The following PPP1CB variants were observed in gnomAD, a reference collection of about 807,000 sequenced individuals.
The protein encoded by PPP1CB is serine/threonine-protein phosphatase PP1-beta catalytic subunit.
In PPP1CB, 2 loss-of-function variants were observed where a neutral mutation model predicts 43.7. The ratio of observed to expected loss-of-function variants is 0.05; its 90% CI spans 0.02 to 0.14. The LOEUF (loss-of-function observed/expected upper bound fraction) is 0.14. PPP1CB is among the 10% of genes least tolerant of loss of function. The probability of loss-of-function intolerance (pLI) is 1.00; values close to 1 mark genes in which losing one functional copy is unlikely to be tolerated. For synonymous variants in PPP1CB, 136 were observed against 135.6 expected (o/e 1.00, Z -0.02); for missense variants, 84 against 398.0 (o/e 0.21, Z 6.71).
chr2:28,774,569 G>A (rs547023467), intron 1 of PPP1CB, among the ~76,000 whole-genome samples: 2 of 152,120 alleles, frequency 1.3e-5, no homozygotes, highest in East Asian at 1.9e-4. Context: ...GAGATTACAG[G>A]CACCCGCCAC....
At chr2:28,777,885 C>T (rs957459928) in intron 2 of PPP1CB, among the ~76,000 whole-genome samples, 1 of 152,138 alleles carries the variant, frequency 6.6e-6, no homozygotes, top group Non-Finnish European at 1.5e-5. Context: ...AATTCCTGAC[C>T]TCAGGTGATC....
chr2:28,788,752 T>G lies in PPP1CB; in HGVS notation c.687T>G (p.Asp229Glu). The change falls in exon 6 of 8, where the codon GAT becomes GAG. Residue 229 changes from aspartate to glutamate, a missense_variant. This residue lies in a region of PPP1CB where 11 missense variants were observed against 17.3 expected (regional missense o/e 0.64). Coordinates refer to ENST00000395366, the MANE Select transcript of PPP1CB (RefSeq NM_002709.3). ...GTGTTTCCTTTACTTTTGGAGCTGA[T>G]GTAGTCAGTAAATTTCTGAATCGTC... ...DRGVSFTFGADVVSKFLNRHD... is the reference protein window; with the variant it reads ...DRGVSFTFGAEVVSKFLNRHD... 6.2e-7 allele frequency: 1 copy of G among 1,613,914 alleles called. No individual in the cohort carries two copies. Among genetic ancestry groups the G allele is most frequent in the Non-Finnish European group, 8.5e-7 (1 of 1,179,920 alleles).
At chr2:28,771,031 A>G (rs1469402739) in intron 1 of PPP1CB, among the ~76,000 whole-genome samples, 1 of 108,702 alleles carries the variant, frequency 9.2e-6, no homozygotes, top group African/African-American at 3.2e-5. Flanking sequence ...TTACCTACTT[A>G]TTCCCTGCTC....
In PPP1CB at chr2:28,752,090, TC is replaced by T. The variant is rs1428311602; in HGVS notation, c.-32del. 2.6e-6 allele frequency: 4 copies of T among 1,548,898 alleles called. 1 individual carries two copies. The South Asian group carries it at 4.8e-5, about 18-fold the overall frequency. On this transcript the variant is annotated 5_prime_UTR_variant, in exon 1 of 8. Coordinates refer to ENST00000395366, the MANE Select transcript of PPP1CB (RefSeq NM_002709.3). The stretch of plus-strand genomic sequence containing the variant: ...GCCTCCGCCGCCGAGAAGCCCTTGT[TC>T]CCGCTGCTGGGAAGGAGAGTCTGTG...
chr2:28,772,732 G>T lies in PPP1CB; in HGVS notation c.53-4119G>T, dbSNP rs572241410. 4.6e-5 allele frequency among the ~76,000 whole-genome samples: 7 copies of T among 152,154 alleles called. No homozygotes were observed. The South Asian group carries it at 1.5e-3, about 32-fold the overall frequency. On this transcript the variant is annotated intron_variant, in intron 1 of 7. Transcript: ENST00000395366. ...GAATTTGGATTTTTTTCAGATTTTT[G>T]AGTATTTGTATTATACTTACCAGTT...
intron 6 of PPP1CB, among the ~76,000 whole-genome samples, chr2:28,790,752 AT>A (rs1249178348): frequency 6.6e-6 from 1 of 152,308 alleles, no homozygotes; most frequent in East Asian, 1.9e-4. Flanking sequence ...CATGCCTGGG[AT>A]TTGCTTTAAA....
chr2:28,767,695 A>G (rs140600180), intron 1 of PPP1CB, among the ~76,000 whole-genome samples: 3 of 152,374 alleles, frequency 2.0e-5, no homozygotes, highest in East Asian at 3.9e-4. Context: ...ATAAGTGGCT[A>G]TGCTTCATTA....
At chr2:28,755,426 T>A (rs1386942471) in intron 1 of PPP1CB, among the ~76,000 whole-genome samples, 1 of 152,222 alleles carries the variant, frequency 6.6e-6, no homozygotes, top group African/African-American at 2.4e-5. Context: ...ATTTTATTAT[T>A]TGGACGGTGC....
rs1047822611 is a variant in PPP1CB at position 28,752,212 on chromosome 2, C to T, written c.52+36C>T. 11 of 1,507,220 alleles carry T rather than the reference C, an allele frequency of 7.3e-6. No homozygotes were observed. In the African/African-American group the frequency reaches 1.4e-4, roughly 20 times the overall value. 93.4% of individuals were successfully genotyped at this position (1,507,220 alleles called of 1,614,324 possible). On this transcript the variant is annotated intron_variant, in intron 1 of 7. Transcript: ENST00000395366. ...GCCTGGCCGCGGGACAGAGGGAGGT[C>T]GGGCACCGCCGCCGACCCCTGCGTC...
intron 1 of PPP1CB, among the ~76,000 whole-genome samples, chr2:28,771,210 C>CT (rs1483915444): frequency 6.6e-6 from 1 of 151,992 alleles, no homozygotes; most frequent in East Asian, 1.9e-4. Flanking sequence ...CCTGCCATCA[C>CT]GCCTGGCTAA....
intron 1 of PPP1CB, among the ~76,000 whole-genome samples, chr2:28,753,634 T>C (rs1276130728): frequency 6.6e-6 from 1 of 152,244 alleles, no homozygotes; most frequent in Non-Finnish European, 1.5e-5. Context: ...TTGAAAATAA[T>C]TGTATTTTGT....
chr2:28,773,003 A>G (rs902982535), intron 1 of PPP1CB, among the ~76,000 whole-genome samples: 4 of 152,196 alleles, frequency 2.6e-5, no homozygotes, highest in African/African-American at 9.7e-5. Context: ...AAATACATCA[A>G]ATCAATATAT....
chr2:28,779,017 C>T lies in PPP1CB; in HGVS notation c.393C>T (p.Arg131=), dbSNP rs931706450. The T allele has an allele frequency of 6.3e-7, 1 of 1,589,046 alleles. No homozygotes were observed. Among genetic ancestry groups the T allele is most frequent in the African/African-American group, 1.3e-5 (1 of 74,324 alleles). Residue 131 remains arginine, a synonymous_variant, in exon 3 of 8, where the codon CGC becomes CGT. Transcript: ENST00000395366. ...RGNHECASIN[R]IYGFYDECKR... ...ACCATGAGTGTGCTAGCATCAATCG[C>T]ATTTATGGATTCTATGATGAATGTA...
chr2:28,765,007 T>C (rs1222567031), intron 1 of PPP1CB, among the ~76,000 whole-genome samples: 1 of 152,158 alleles, frequency 6.6e-6, no homozygotes, highest in Non-Finnish European at 1.5e-5. Context: ...GAGGTAATGA[T>C]AAGTAAGAAC....
chr2:28,787,694 T>C (rs1217679647), intron 5 of PPP1CB, among the ~76,000 whole-genome samples: 10 of 152,212 alleles, frequency 6.6e-5, no homozygotes, highest in Admixed American at 6.5e-4. Context: ...GGACGATTGT[T>C]TCCCCTTTCG....
chr2:28,754,814 A>T (rs1252504643), intron 1 of PPP1CB, among the ~76,000 whole-genome samples: 1 of 152,234 alleles, frequency 6.6e-6, no homozygotes, highest in African/African-American at 2.4e-5. Flanking sequence ...TTTTAGTGTC[A>T]AATGAACGTG....
intron 1 of PPP1CB, among the ~76,000 whole-genome samples, chr2:28,769,987 G>A (rs1022122485): frequency 1.6e-4 from 24 of 152,110 alleles, no homozygotes; most frequent in African/African-American, 5.6e-4. Flanking sequence ...AGCAAATATT[G>A]GCTGGGCACC....
At chr2:28,778,295 A>G (rs1217293478) in intron 2 of PPP1CB, 5 of 464,000 alleles carry the variant, frequency 1.1e-5, no homozygotes, top group Non-Finnish European at 2.2e-5. Context: ...AATCATTCCA[A>G]AACTTTGTGG....
chr2:28,760,764 G>GT (rs1213154068), intron 1 of PPP1CB, among the ~76,000 whole-genome samples: 2 of 152,146 alleles, frequency 1.3e-5, no homozygotes, highest in African/African-American at 2.4e-5. Flanking sequence ...TTGTAATCAC[G>GT]TATTTTAAAA....
Sources: allele counts gnomAD v4.1 joint callset (sites outside exome capture counted in the v4.1 genomes callset), GRCh38; gene constraint gnomAD v4.1.1; regional missense constraint gnomAD v4.1.1; transcripts MANE v1.5; gene names NCBI Gene and HGNC (gene_info 2026-07-23, HGNC 2026-07-21).